The following WDR44 variants were observed in gnomAD, a reference collection of about 807,000 sequenced individuals.
WDR44 encodes the protein WD repeat domain 44.
A neutral mutation model predicts 65.7 loss-of-function variants in WDR44; 9 were observed. The observed-to-expected ratio is 0.14, with a 90% CI of 0.08 to 0.24. WDR44 has a LOEUF of 0.24. Ranked by LOEUF, WDR44 falls within the 10% of genes least tolerant of loss-of-function variation. The pLI is 1.00. For missense variants in WDR44, 425 were observed against 670.9 expected, an observed-to-expected ratio of 0.63 and a Z score of 4.05; for synonymous variants, 220 against 235.2, an observed-to-expected ratio of 0.94 and a Z score of 0.59.
At chrX:118,360,078 G>A (rs1227053472) in intron 1 of WDR44, among the ~76,000 whole-genome samples, 3 of 111,878 alleles carry the variant, frequency 2.7e-5, no homozygotes, top group Non-Finnish European at 5.6e-5. Context: ...ACTTTTGGTA[G>A]TAGTCAACTT....
chrX:118,378,297 A>G, intron 1 of WDR44, 122 bp from the exon 2 acceptor site: 1 of 588,688 alleles, frequency 1.7e-6, no homozygotes, highest in South Asian at 3.6e-5. Context: ...TGCACACAAG[A>G]CTTTTCAGTC....
chrX:118,348,914 T>C (rs1446850757), intron 1 of WDR44, among the ~76,000 whole-genome samples: 1 of 112,514 alleles, frequency 8.9e-6, no homozygotes, highest in African/African-American at 3.2e-5. Context: ...ACACAGACTA[T>C]GTCAACAAAT....
intron 2 of WDR44, among the ~76,000 whole-genome samples, chrX:118,378,736 T>TGTG (rs1569362857): frequency 1.6e-5 from 1 of 61,047 alleles, no homozygotes; most frequent in African/African-American, 1.5e-4. Flanking sequence ...GTGTGTGTGT[T>TGTG]GAAAAAGTGA....
intron 3 of WDR44, among the ~76,000 whole-genome samples, chrX:118,387,846 A>G (rs903127874): frequency 2.7e-5 from 3 of 111,901 alleles, no homozygotes; most frequent in Non-Finnish European, 5.6e-5. Context: ...TTGGTTTACT[A>G]GAAGAGACTG....
At chrX:118,448,761 A>C in intron 19 of WDR44, 132 bp from the exon 20 acceptor site, 1 of 384,828 alleles carries the variant, frequency 2.6e-6, no homozygotes, top group East Asian at 4.2e-5. Flanking sequence ...AGCCAGCCAG[A>C]AAAGGAGACT....
At chrX:118,417,271 A>G (rs919071665) in intron 12 of WDR44, among the ~76,000 whole-genome samples, 1 of 111,119 alleles carries the variant, frequency 9.0e-6, no homozygotes, top group African/African-American at 3.3e-5. Flanking sequence ...TTTTTGTTTT[A>G]TAGGTTCTGT....
At chrX:118,444,169 T>G (rs1241513153) in intron 18 of WDR44, among the ~76,000 whole-genome samples, 191 bp from the exon 19 acceptor site, 1 of 112,679 alleles carries the variant, frequency 8.9e-6, no homozygotes, top group Non-Finnish European at 1.9e-5. Flanking sequence ...GGAAGAACTT[T>G]GGTCTAAAAT....
intron 12 of WDR44, among the ~76,000 whole-genome samples, chrX:118,417,770 A>G (rs1269920542): frequency 8.9e-6 from 1 of 112,110 alleles, no homozygotes; most frequent in Admixed American, 9.5e-5. Flanking sequence ...TATTCCCCCA[A>G]ATATGTTTTT....
At chrX:118,350,268 C>T (rs1409409458) in intron 1 of WDR44, among the ~76,000 whole-genome samples, 2 of 111,757 alleles carry the variant, frequency 1.8e-5, no homozygotes, top group Admixed American at 9.5e-5. Flanking sequence ...AGAGAGAAAG[C>T]AACTTGTAAA....
intron 2 of WDR44, among the ~76,000 whole-genome samples, chrX:118,384,557 A>G (rs1326361093): frequency 8.9e-6 from 1 of 111,946 alleles, no homozygotes; most frequent in African/African-American, 3.2e-5. Flanking sequence ...TTGTACCAGT[A>G]CCATGCTGTT....
chrX:118,448,644 C>T (rs1284974042), intron 19 of WDR44, among the ~76,000 whole-genome samples: 1 of 111,193 alleles, frequency 9.0e-6, no homozygotes. Context: ...ATCCAGGCCC[C>T]AAGAGACTGT....
At chrX:118,419,456 A>G (rs990918725) in intron 12 of WDR44, among the ~76,000 whole-genome samples, 1 of 109,671 alleles carries the variant, frequency 9.1e-6, no homozygotes, top group African/African-American at 3.4e-5. Flanking sequence ...CAGTTTCCCC[A>G]GTGGGGGTGT....
rs1021779386 is a variant in WDR44, at chrX:118,409,317, A to G, written c.1534-172A>G. ...GCTAATTTTTGTATTTTTAGCAGAG[A>G]TGGGGTTTTACCATGTTGGCCAGGC... On this transcript the variant is annotated intron_variant, in intron 10 of 19. Transcript: ENST00000254029. Among the ~76,000 whole-genome samples, 4 of 109,644 alleles carry G rather than the reference A, an allele frequency of 3.6e-5. No individual in the cohort carries two copies. The Admixed American group carries it at 3.9e-4, about 11-fold the overall frequency.
intron 9 of WDR44, among the ~76,000 whole-genome samples, chrX:118,405,861 C>T (rs6646196): frequency 0.073 from 8,100 of 111,410 alleles, 477 homozygotes; most frequent in East Asian, 0.25. Flanking sequence ...GTATACAGGG[C>T]GAGGCATGGT....
At chrX:118,355,278 C>T (rs1381257951) in intron 1 of WDR44, among the ~76,000 whole-genome samples, 1 of 111,733 alleles carries the variant, frequency 8.9e-6, no homozygotes, top group African/African-American at 3.3e-5. Flanking sequence ...AGTATAACTA[C>T]TTCTTGTCCC....
At chrX:118,350,072 ATAC>A (rs1290910304) in intron 1 of WDR44, among the ~76,000 whole-genome samples, 1 of 111,155 alleles carries the variant, frequency 9.0e-6, no homozygotes, top group East Asian at 2.8e-4. Flanking sequence ...AATTGAACTG[ATAC>A]ATCTCCATTA....
chrX:118,353,585 T>C (rs2056433506), intron 1 of WDR44, among the ~76,000 whole-genome samples: 1 of 112,182 alleles, frequency 8.9e-6, no homozygotes, highest in African/African-American at 3.2e-5. Context: ...TTTAAACATA[T>C]ATAATTTAAC....
At chrX:118,383,168 C>T (rs1279817557) in intron 2 of WDR44, among the ~76,000 whole-genome samples, 1 of 112,129 alleles carries the variant, frequency 8.9e-6, no homozygotes, top group African/African-American at 3.2e-5. Context: ...AGCAGAGTAC[C>T]TTAGGAGTTA....
chrX:118,386,446 G>A, intron 2 of WDR44: 1 of 346,554 alleles, frequency 2.9e-6, no homozygotes, highest in Non-Finnish European at 5.5e-6. Flanking sequence ...TGTATACGTA[G>A]ATATATATGT....
Sources: gnomAD v4.1 joint callset for allele counts (sites outside exome capture counted in the v4.1 genomes callset) on GRCh38, gnomAD v4.1.1 for gene constraint, MANE v1.5 for transcripts, NCBI Gene and HGNC (gene_info 2026-07-23, HGNC 2026-07-21) for gene names.